SHOC1: variants seen among roughly 807,000 people sequenced by gnomAD.
The protein encoded by SHOC1 is protein shortage in chiasmata 1 ortholog.
SHOC1 carries 136 observed loss-of-function variants against 179.2 expected under a neutral mutation model. The observed-to-expected ratio is 0.76, with a 90% CI of 0.66 to 0.87. SHOC1 has a LOEUF of 0.87. Ranked by LOEUF, SHOC1 falls within the 40% of genes least tolerant of loss-of-function variation. The pLI is 0.00. For synonymous variants in SHOC1, 489 were observed against 586.6 expected (o/e 0.83, Z 2.41); for missense variants, 1,538 against 1,700.8 (o/e 0.90, Z 1.68).
Position 111,775,779 on chromosome 9 carries a change from T to C in SHOC1, c.442+12A>G, listed in dbSNP as rs1349842562. On this transcript the variant is annotated intron_variant, in intron 5 of 27. Coordinates refer to ENST00000682961, the MANE Select transcript of SHOC1 (RefSeq NM_001378211.1). ...AGAAATGTTTTACAACAATATAAAA[T>C]AAACGTTTTACCTTGGTTCTGGTTT... The C allele has an allele frequency of 1.3e-6, 2 of 1,588,768 alleles. No homozygotes were observed. Among genetic ancestry groups the C allele is most frequent in the African/African-American group, 2.7e-5 (2 of 73,604 alleles).
chr9:111,736,692 A>G (rs1236030667), intron 12 of SHOC1, among the ~76,000 whole-genome samples: 1 of 152,202 alleles, frequency 6.6e-6, no homozygotes, highest in African/African-American at 2.4e-5. Flanking sequence ...AAACAATCGC[A>G]ACAAAAACAA....
chr9:111,764,229 A>G (rs1220287143), intron 5 of SHOC1, among the ~76,000 whole-genome samples: 1 of 152,196 alleles, frequency 6.6e-6, no homozygotes, highest in East Asian at 1.9e-4. Context: ...CCTGTATTGC[A>G]GTTCTTGTGT....
chr9:111,711,631 AC>A (rs1392233351), intron 18 of SHOC1, among the ~76,000 whole-genome samples: 1 of 152,234 alleles, frequency 6.6e-6, no homozygotes, highest in Non-Finnish European at 1.5e-5. Flanking sequence ...TGAGGAGGAT[AC>A]TTAAATGATT....
intron 5 of SHOC1, among the ~76,000 whole-genome samples, chr9:111,760,862 G>C (rs1835104074): frequency 6.6e-6 from 1 of 151,380 alleles, no homozygotes; most frequent in African/African-American, 2.4e-5. Context: ...CATTTCAAGA[G>C]GTCTGTTTTA....
At position 111,706,694 on chromosome 9, in the gene SHOC1, A is replaced by G; in HGVS notation, c.2611T>C (p.Trp871Arg). ...TCCACCACAAATGAGAAATTACTCC[A>G]GGGGAAATCTGCTCCAATATATTGA... ...HNQYIGADFP[W>R]SNFSFVVEYN... Residue 871 changes from tryptophan (W) to arginine (R), a missense_variant, in exon 20 of 28, where the codon TGG becomes CGG. By Grantham distance (101) the Trp-to-Arg change is moderately radical (BLOSUM62 -3). Coordinates refer to ENST00000682961, the MANE Select transcript of SHOC1 (RefSeq NM_001378211.1). 6.2e-7 allele frequency: 1 copy of G among 1,609,306 alleles called. No homozygotes were observed. The highest frequency in any genetic ancestry group is 8.5e-7 in the Non-Finnish European group (1 of 1,177,276).
intron 5 of SHOC1, among the ~76,000 whole-genome samples, chr9:111,772,864 T>G (rs1218924597): frequency 2.0e-5 from 3 of 152,214 alleles, no homozygotes; most frequent in East Asian, 1.9e-4. Context: ...GCAGTCATGA[T>G]GCTTTCCACA....
intron 24 of SHOC1, among the ~76,000 whole-genome samples, chr9:111,698,303 T>A (rs10981016): frequency 0.013 from 2,021 of 152,272 alleles, 55 homozygotes; most frequent in African/African-American, 0.046. Context: ...CTAGGTTTTC[T>A]TCGAGGGTTT....
intron 5 of SHOC1, among the ~76,000 whole-genome samples, chr9:111,766,641 C>G (rs564145724): frequency 1.3e-5 from 2 of 151,616 alleles, no homozygotes; most frequent in East Asian, 3.9e-4. Flanking sequence ...AATGGAGTTT[C>G]GCTCCTGTTG....
chr9:111,730,123 A>G (rs1474538756), intron 12 of SHOC1, among the ~76,000 whole-genome samples: 4 of 152,128 alleles, frequency 2.6e-5, no homozygotes, highest in Non-Finnish European at 2.9e-5. Context: ...TTCAGGCTCC[A>G]CTTCTAATTC....
intron 8 of SHOC1, among the ~76,000 whole-genome samples, chr9:111,749,915 A>G (rs965294206): frequency 5.9e-5 from 9 of 152,040 alleles, no homozygotes; most frequent in African/African-American, 1.9e-4. Context: ...TTCTTTTTCC[A>G]GTCTATCATT....
chr9:111,700,202 T>C (rs1313633176), intron 23 of SHOC1, among the ~76,000 whole-genome samples, 155 bp from the exon 24 acceptor site: 1 of 151,918 alleles, frequency 6.6e-6, no homozygotes, highest in Non-Finnish European at 1.5e-5. Flanking sequence ...TTTTCCACTC[T>C]GTACTCTTGA....
At chr9:111,727,087 G>T (rs1833326923) in intron 13 of SHOC1, among the ~76,000 whole-genome samples, 1 of 152,114 alleles carries the variant, frequency 6.6e-6, no homozygotes, top group Admixed American at 6.5e-5. Context: ...ATTCTGGAAT[G>T]CCTATTTTAT....
intron 8 of SHOC1, among the ~76,000 whole-genome samples, chr9:111,755,656 T>C (rs1834819478): frequency 6.6e-6 from 1 of 152,364 alleles, no homozygotes; most frequent in East Asian, 1.9e-4. Flanking sequence ...GAGCTCTTTA[T>C]GGTGAGCCTC....
At chr9:111,793,798 G>A (rs12344389) in intron 1 of SHOC1, among the ~76,000 whole-genome samples, 28,615 of 151,774 alleles carry the variant, frequency 0.19, 2,892 homozygotes, top group Non-Finnish European at 0.22. Flanking sequence ...TCAGGCACAA[G>A]GCCAGGAAGT....
chr9:111,789,774 T>C (rs1294048310), intron 2 of SHOC1, among the ~76,000 whole-genome samples: 3 of 152,250 alleles, frequency 2.0e-5, no homozygotes, highest in Non-Finnish European at 4.4e-5. Context: ...TCAGGATGTT[T>C]GAATACAGAC....
At chr9:111,723,538 G>A (rs1833162885) in intron 14 of SHOC1, among the ~76,000 whole-genome samples, 1 of 152,196 alleles carries the variant, frequency 6.6e-6, no homozygotes, top group African/African-American at 2.4e-5. Flanking sequence ...TTCTCAGATT[G>A]ATATAGGGAA....
At chr9:111,752,968 T>C (rs1402688602) in intron 8 of SHOC1, among the ~76,000 whole-genome samples, 1 of 152,030 alleles carries the variant, frequency 6.6e-6, no homozygotes, top group Admixed American at 6.5e-5. Context: ...ATCCTAGCAC[T>C]TTGGGAGGCC....
chr9:111,764,927 G>T (rs1381582484), intron 5 of SHOC1, among the ~76,000 whole-genome samples: 1 of 151,952 alleles, frequency 6.6e-6, no homozygotes, highest in East Asian at 1.9e-4. Context: ...GATCACCTAA[G>T]GTCAGGAGTT....
intron 5 of SHOC1, among the ~76,000 whole-genome samples, chr9:111,773,439 A>G (rs1835698412): frequency 6.6e-6 from 1 of 151,888 alleles, no homozygotes; most frequent in Admixed American, 6.6e-5. Flanking sequence ...CAGCCTCCCA[A>G]ATAGCTGAGA....
Sources: allele counts gnomAD v4.1 joint callset (sites outside exome capture counted in the v4.1 genomes callset), GRCh38; gene constraint gnomAD v4.1.1; transcripts MANE v1.5; gene names NCBI Gene and HGNC (gene_info 2026-07-23, HGNC 2026-07-21).